The following ZNF560 variants were observed in gnomAD, a reference collection of about 807,000 sequenced individuals.
ZNF560 encodes the protein zinc finger protein 560.
A neutral mutation model predicts 81.8 loss-of-function variants in ZNF560; 54 were observed. The ratio of observed to expected loss-of-function variants is 0.66; its 90% confidence interval spans 0.53 to 0.83. ZNF560 has a LOEUF of 0.83. Among genes scored for constraint, ZNF560 ranks in the 40% least tolerant of loss-of-function variants. ZNF560 has a pLI of 0.00. For missense variants in ZNF560, 940 were observed against 932.4 expected, an observed-to-expected ratio of 1.01 and a Z score of -0.11; for synonymous variants, 321 against 317.9, an observed-to-expected ratio of 1.01 and a Z score of -0.10.
At chr19:9,464,215 T>C (rs2072979399), downstream of ZNF560, among the ~76,000 whole-genome samples, 1 of 152,126 alleles carries the variant, frequency 6.6e-6, no homozygotes, top group East Asian at 1.9e-4. Flanking sequence ...CACAGCAGAA[T>C]ATCATGATCA....
chr19:9,497,564 C>T (rs1355078869), intron 2 of ZNF560, among the ~76,000 whole-genome samples: 1 of 150,552 alleles, frequency 6.6e-6, no homozygotes, highest in African/African-American at 2.5e-5. Context: ...AAATGTCGAG[C>T]TTCATCTCTG....
chr19:9,451,156 C>A, the ZNF560 span, among the ~76,000 whole-genome samples: 1 of 151,980 alleles, frequency 6.6e-6, no homozygotes, highest in Non-Finnish European at 1.5e-5. Context: ...GAAAAAGAGC[C>A]CAAATAGCCA....
chr19:9,448,472 G>T, the ZNF560 span, among the ~76,000 whole-genome samples: 1 of 142,734 alleles, frequency 7.0e-6, no homozygotes, highest in African/African-American at 2.7e-5. Flanking sequence ...CTGACCTGAG[G>T]TGTCCACCCT....
At chr19:9,448,860 A>G in the ZNF560 span, among the ~76,000 whole-genome samples, 1 of 152,206 alleles carries the variant, frequency 6.6e-6, no homozygotes, top group Non-Finnish European at 1.5e-5. Flanking sequence ...CAAATGCAAA[A>G]CAAAAAAGAG....
At position 9,475,297 on chromosome 19, in the gene ZNF560, G is replaced by T; in HGVS notation, c.17C>A (p.Thr6Lys). The T allele has an allele frequency of 1.2e-6, 2 of 1,613,800 alleles. No homozygotes were observed. The highest frequency in any genetic ancestry group is 1.1e-5 in the South Asian group (1 of 91,036). The change falls in exon 3 of 10, where the codon ACA becomes AAA. Residue 6 changes from threonine to lysine, a missense_variant. Thr to Lys is a moderately conservative substitution (Grantham distance 78). Coordinates refer to ENST00000301480, the MANE Select transcript of ZNF560 (RefSeq NM_152476.3). The stretch of plus-strand genomic sequence containing the variant: ...TTTTCTGCATACCTGATAACAATTT[G>T]TCAGGCAGTAAGCCATCTTCCTTTC... MAYCL[T>K]NCYQYSVTFE... is the part of the protein sequence containing the mutation.
the ZNF560 span, among the ~76,000 whole-genome samples, chr19:9,504,707 T>C: frequency 6.6e-6 from 1 of 152,224 alleles, no homozygotes; most frequent in Non-Finnish European, 1.5e-5. Flanking sequence ...CCCTTAAGTT[T>C]TGTCATATAA....
In ZNF560 at chr19:9,468,124, G is replaced by A. The variant is rs774048247; in HGVS notation, c.823C>T (p.Arg275Cys). The change falls in exon 10 of 10, where the codon CGC (arginine) becomes TGC (cysteine). Residue 275 changes from arginine (R) to cysteine (C), a missense_variant. By Grantham distance (180) the Arg-to-Cys change is radical (BLOSUM62 -3). Transcript: ENST00000301480. Reference sequence around the variant, plus strand: ...TGGACCTGAACATTTAAAATCAGGCGGAAAGATTTTCCATGCTTACTGAAC... The same window carrying A: ...TGGACCTGAACATTTAAAATCAGGCAGAAAGATTTTCCATGCTTACTGAAC... ...SVFSKHGKSF[R>C]LILNVQVQRK... 143 of 1,613,868 alleles carry A rather than the reference G, an allele frequency of 8.9e-5. No homozygotes were observed. Among genetic ancestry groups the A allele is most frequent in the Middle Eastern group, 1.6e-4 (1 of 6,084 alleles).
the ZNF560 span, among the ~76,000 whole-genome samples, chr19:9,505,379 C>T: frequency 1.3e-5 from 2 of 152,172 alleles, no homozygotes; most frequent in East Asian, 1.9e-4. Context: ...TTCTTCCCAT[C>T]CTTTCACTAA....
chr19:9,446,791 T>G, the ZNF560 span, among the ~76,000 whole-genome samples: 1 of 152,130 alleles, frequency 6.6e-6, no homozygotes, highest in East Asian at 1.9e-4. Flanking sequence ...TATCTAGAGA[T>G]ATTCACCTGA....
chr19:9,471,910 A>C (rs957710424), intron 5 of ZNF560, among the ~76,000 whole-genome samples: 1 of 152,210 alleles, frequency 6.6e-6, no homozygotes, highest in East Asian at 1.9e-4. Flanking sequence ...GGAGATGAAG[A>C]CCATCCTGGC....
chr19:9,474,096 G>A (rs915718334), intron 4 of ZNF560, 103 bp downstream of exon 4: 30 of 1,338,018 alleles, frequency 2.2e-5, no homozygotes, highest in African/African-American at 1.7e-4. Flanking sequence ...CAGGGACAAC[G>A]TCTCTGGTGA....
chr19:9,459,640 T>C, the ZNF560 span, among the ~76,000 whole-genome samples: 24 of 152,178 alleles, frequency 1.6e-4, no homozygotes, highest in East Asian at 2.9e-3. Context: ...GCCCACACTA[T>C]TTATTGGTGA....
At chr19:9,499,973 T>C (rs1240097197), upstream of ZNF560, among the ~76,000 whole-genome samples, 1 of 152,218 alleles carries the variant, frequency 6.6e-6, no homozygotes, top group African/African-American at 2.4e-5. Flanking sequence ...CTAGTTTTCT[T>C]GTAGATTCTT....
intron 2 of ZNF560, among the ~76,000 whole-genome samples, chr19:9,483,605 AGCCG>A (rs2073335646): frequency 4.8e-5 from 5 of 104,256 alleles, no homozygotes; most frequent in Non-Finnish European, 7.0e-5. Flanking sequence ...CCGCCCGGCC[AGCCG>A]CCCCGTCTGG....
chr19:9,483,284 G>T (rs2144711600), intron 2 of ZNF560, among the ~76,000 whole-genome samples: 1 of 151,802 alleles, frequency 6.6e-6, no homozygotes, highest in South Asian at 2.1e-4. Flanking sequence ...CGCCCCGTCT[G>T]GGATGTGAGG....
chr19:9,467,455 CAA>C lies in ZNF560; in HGVS notation c.1490_1491del (p.Phe497CysfsTer16). On this transcript the variant is annotated frameshift_variant, in exon 10 of 10. Coordinates refer to ENST00000301480, the MANE Select transcript of ZNF560 (RefSeq NM_152476.3). LOFTEE classifies it high-confidence loss of function. ...TGAGCAAAAAGAGATGAGAAAGAAA[CAA>C]AGACTTTCCCACACTGGTCACAATC... ...RFDCDQCGKV[F>X]VSFSSLFAHL... The C allele has an allele frequency of 6.2e-7, 1 of 1,613,896 alleles. No individual in the cohort carries two copies. Among genetic ancestry groups the C allele is most frequent in the Non-Finnish European group, 8.5e-7 (1 of 1,179,944 alleles).
intron 2 of ZNF560, among the ~76,000 whole-genome samples, chr19:9,487,241 T>C (rs2073400327): frequency 2.0e-5 from 3 of 152,216 alleles, no homozygotes; most frequent in Admixed American, 2.0e-4. Flanking sequence ...TAAAATTGCC[T>C]TGCTGAGAAA....
the ZNF560 span, among the ~76,000 whole-genome samples, chr19:9,446,412 A>G: frequency 3.3e-5 from 5 of 150,070 alleles, no homozygotes; most frequent in Non-Finnish European, 5.9e-5. Flanking sequence ...ACACACATAA[A>G]ATATAGGATG....
rs1263338583 is a variant in ZNF560 at position 9,469,155 on chromosome 19, C to G, written c.562G>C (p.Ala188Pro). 2 of 1,598,564 alleles carry G rather than the reference C, an allele frequency of 1.3e-6. No homozygotes were observed. Among genetic ancestry groups the G allele is most frequent in the Non-Finnish European group, 1.7e-6 (2 of 1,174,394 alleles). The change falls in exon 9 of 10, where the codon GCC becomes CCC. Residue 188 changes from alanine to proline, a missense_variant. Physicochemically the swap from Ala to Pro is conservative, Grantham distance 27. Coordinates refer to ENST00000301480, the MANE Select transcript of ZNF560 (RefSeq NM_152476.3). ...AAACAAAAATTATCTTGCCAAAGGG[C>G]TGGCCCTTTGGTTTTCAGGCACATT... Reference protein sequence around the residue: ...WKMCLKTKGPALWQDNFCLKT... With the variant: ...WKMCLKTKGPPLWQDNFCLKT...
Sources: gnomAD v4.1 joint callset for allele counts (sites outside exome capture counted in the v4.1 genomes callset) on GRCh38, gnomAD v4.1.1 for gene constraint, MANE v1.5 for transcripts, NCBI Gene and HGNC (gene_info 2026-07-23, HGNC 2026-07-21) for gene names.